PSMA3: variants seen among roughly 807,000 people sequenced by gnomAD.
The protein encoded by PSMA3 is proteasome 20S subunit alpha 3, also known as proteasome subunit alpha type-3.
Under a neutral mutation model 40.0 loss-of-function variants are expected in PSMA3, and 8 were observed. The ratio of observed to expected loss-of-function variants is 0.20; its 90% CI spans 0.12 to 0.36. PSMA3 has a LOEUF of 0.36. PSMA3 is among the 10% of genes least tolerant of loss of function. The pLI is 1.00. For missense variants in PSMA3, 219 were observed against 310.6 expected, an observed-to-expected ratio of 0.70 and a Z score of 2.22; for synonymous variants, 110 against 100.0, an observed-to-expected ratio of 1.10 and a Z score of -0.59.
rs894975158 is a variant in PSMA3, at chr14:58,257,321, C to T, written c.229-424C>T. On this transcript the variant is annotated intron_variant, in intron 3 of 10. Coordinates refer to ENST00000216455, the MANE Select transcript of PSMA3 (RefSeq NM_002788.4). Reference sequence around the variant, plus strand: ...GACCGTCCTGGCTGACATGGTGAAACCCCATCTCTACTAAAAATACAAAAA... The same window carrying T: ...GACCGTCCTGGCTGACATGGTGAAATCCCATCTCTACTAAAAATACAAAAA... Among the ~76,000 whole-genome samples the T allele has an allele frequency of 5.3e-5, 8 of 151,896 alleles. No individual in the cohort carries two copies. In the East Asian group the frequency reaches 1.4e-3, roughly 26 times the overall value.
chr14:58,269,540 C>A (rs1452889502), intron 8 of PSMA3: 1 of 151,880 alleles, frequency 6.6e-6, no homozygotes, highest in Admixed American at 6.6e-5. Flanking sequence ...TCAAGCAAGT[C>A]TCCTGCCTCA....
chr14:58,250,690 C>G (rs977607805), intron 2 of PSMA3, among the ~76,000 whole-genome samples: 2 of 152,148 alleles, frequency 1.3e-5, no homozygotes, highest in Admixed American at 1.3e-4. Context: ...ATAGTTTCAT[C>G]AGATTTTAAG....
intron 8 of PSMA3, 39 bp downstream of exon 8, chr14:58,267,559 C>T (rs555121621): frequency 1.3e-6 from 2 of 1,549,804 alleles, no homozygotes; most frequent in South Asian, 1.3e-5. Flanking sequence ...AAAAATATTT[C>T]ATTTGACCTT....
chr14:58,270,234 A>G, intron 8 of PSMA3, 184 bp from the exon 9 acceptor site: 1 of 843,118 alleles, frequency 1.2e-6, no homozygotes, highest in Non-Finnish European at 1.7e-6. Flanking sequence ...TAGATGTTTC[A>G]TTTTATTTCA....
At chr14:58,256,242 C>T (rs1239417070) in intron 3 of PSMA3, among the ~76,000 whole-genome samples, 4 of 152,030 alleles carry the variant, frequency 2.6e-5, no homozygotes, top group Admixed American at 6.5e-5. Context: ...AAAAGATTTG[C>T]GATTGTGCCT....
chr14:58,260,413 A>G (rs1890248888), intron 5 of PSMA3, among the ~76,000 whole-genome samples: 1 of 152,236 alleles, frequency 6.6e-6, no homozygotes. Flanking sequence ...GAACTCATGG[A>G]AACAGTGCCC....
At chr14:58,267,572 C>T in intron 8 of PSMA3, 52 bp downstream of exon 8, 1 of 1,523,102 alleles carries the variant, frequency 6.6e-7, no homozygotes, top group East Asian at 2.4e-5. Flanking sequence ...TTGACCTTTG[C>T]ATATATATAT....
Position 58,261,783 on chromosome 14 carries a change from T to C in PSMA3, c.477+763T>C, listed in dbSNP as rs959543200. 6.6e-5 allele frequency among the ~76,000 whole-genome samples: 10 copies of C among 152,018 alleles called. 1 individual carries two copies. The highest frequency in any genetic ancestry group is 3.3e-4 in the Admixed American group (5 of 15,252). On this transcript the variant is annotated intron_variant, in intron 6 of 10. Transcript: ENST00000216455. ...CCACCATGCCTAGCTAATTTTTGTATTTTTTTGGTGTCTATAGAGACAAGG... is the reference window on the plus strand; with the variant it reads ...CCACCATGCCTAGCTAATTTTTGTACTTTTTTGGTGTCTATAGAGACAAGG...
rs557366902 is a variant in PSMA3 at position 58,249,058 on chromosome 14, C to A, written c.104+1226C>A. Among the ~76,000 whole-genome samples, 20 of 152,160 alleles carry A rather than the reference C, an allele frequency of 1.3e-4. 1 individual carries two copies. Among genetic ancestry groups the A allele is most frequent in the Admixed American group, 1.1e-3 (17 of 15,292 alleles). Reference sequence around the variant, plus strand: ...TTGGCTCACCGCAACCTCTGCCTCCCAGGTTCAAGCAATTCTCTCAGCCTC... The same window carrying A: ...TTGGCTCACCGCAACCTCTGCCTCCAAGGTTCAAGCAATTCTCTCAGCCTC... On this transcript the variant is annotated intron_variant, in intron 2 of 10. Transcript: ENST00000216455.
intron 5 of PSMA3, among the ~76,000 whole-genome samples, chr14:58,260,171 A>G (rs912639597): frequency 6.6e-6 from 1 of 152,210 alleles, no homozygotes; most frequent in African/African-American, 2.4e-5. Context: ...TGAATACCAA[A>G]ATCCAAGGTT....
At position 58,257,818 on chromosome 14, in the gene PSMA3, C is replaced by G. The variant is rs1366567471; in HGVS notation, c.302C>G (p.Ser101Cys). ...AGAGAAGAAGCTTCCAACTTCAGATCTAACTTTGGCTACAACATTCCACTA... is the reference window on the plus strand; with the variant it reads ...AGAGAAGAAGCTTCCAACTTCAGATGTAACTTTGGCTACAACATTCCACTA... The part of the protein sequence containing the change: ...IAREEASNFR[S>C]NFGYNIPLKH... The change falls in exon 4 of 11, where the codon TCT (serine) becomes TGT (cysteine). Residue 101 changes from serine (S) to cysteine (C), a missense_variant. Physicochemically the swap from Ser to Cys is moderately radical, Grantham distance 112. Transcript: ENST00000216455. 1 of 1,613,312 alleles carries G rather than the reference C, an allele frequency of 6.2e-7. No homozygotes were observed. The highest frequency in any genetic ancestry group is 8.5e-7 in the Non-Finnish European group (1 of 1,179,512).
intron 5 of PSMA3, 78 bp from the exon 6 acceptor site, chr14:58,260,870 C>G: frequency 9.6e-7 from 1 of 1,037,126 alleles, no homozygotes; most frequent in Admixed American, 2.1e-5. Context: ...GAAAATATAA[C>G]TGCATTTTAA....
intron 3 of PSMA3, among the ~76,000 whole-genome samples, chr14:58,255,284 A>C (rs1890117591): frequency 6.6e-6 from 1 of 152,178 alleles, no homozygotes; most frequent in Non-Finnish European, 1.5e-5. Context: ...TATACACTGC[A>C]CAACCTCCCA....
intron 1 of PSMA3, 28 bp downstream of exon 1, chr14:58,244,969 G>GTTTA: frequency 6.2e-7 from 1 of 1,614,184 alleles, no homozygotes; most frequent in Non-Finnish European, 8.5e-7. Flanking sequence ...CGGTGTAATA[G>GTTTA]TTTAACCTAA....
chr14:58,258,741 A>G (rs1247579528), intron 5 of PSMA3, among the ~76,000 whole-genome samples: 1 of 151,152 alleles, frequency 6.6e-6, no homozygotes, highest in Non-Finnish European at 1.5e-5. Flanking sequence ...ACTTGTGACT[A>G]GATTTTTCTA....
chr14:58,270,882 A>G, intron 9 of PSMA3, 52 bp from the exon 10 acceptor site: 1 of 1,437,148 alleles, frequency 7.0e-7, no homozygotes, highest in South Asian at 1.2e-5. Flanking sequence ...ACTGCAAGTT[A>G]CAATATGGTA....
intron 3 of PSMA3, among the ~76,000 whole-genome samples, chr14:58,256,527 C>T (rs1347265000): frequency 2.0e-5 from 3 of 151,558 alleles, no homozygotes; most frequent in African/African-American, 4.8e-5. Context: ...CAATTCTCTG[C>T]CTCGGCCTCC....
chr14:58,248,290 C>T (rs1000883002), intron 2 of PSMA3, among the ~76,000 whole-genome samples: 4 of 152,202 alleles, frequency 2.6e-5, no homozygotes, highest in Non-Finnish European at 5.9e-5. Context: ...AGTGCAGTGG[C>T]ACGATCTTGG....
chr14:58,264,370 C>G (rs1000717297), intron 7 of PSMA3, among the ~76,000 whole-genome samples: 4 of 152,194 alleles, frequency 2.6e-5, no homozygotes, highest in Admixed American at 2.0e-4. Context: ...TACACTCTTA[C>G]GACTACCCAC....
Sources: allele counts gnomAD v4.1 joint callset (sites outside exome capture counted in the v4.1 genomes callset), GRCh38; gene constraint gnomAD v4.1.1; transcripts MANE v1.5; gene names NCBI Gene and HGNC (gene_info 2026-07-23, HGNC 2026-07-21).